PUS10: variants seen among roughly 807,000 people sequenced by gnomAD.
The protein encoded by PUS10 is pseudouridine synthase 10, also known as tRNA pseudouridine synthase Pus10.
Under a neutral mutation model 75.0 loss-of-function variants are expected in PUS10, and 59 were observed. That is an observed-to-expected ratio of 0.79 (90% CI 0.64 to 0.98). PUS10 has a LOEUF of 0.98. PUS10 is among the 50% of genes least tolerant of loss of function. The pLI is 0.00. For missense variants in PUS10, 650 were observed against 614.4 expected (o/e 1.06, Z -0.61); for synonymous variants, 219 against 211.6 (o/e 1.03, Z -0.30).
chr2:60,944,660 T>C (rs1674828856), intron 17 of PUS10, among the ~76,000 whole-genome samples: 1 of 152,232 alleles, frequency 6.6e-6, no homozygotes, highest in South Asian at 2.1e-4. Flanking sequence ...CACCTCACTT[T>C]CTACCCTTGT....
intron 4 of PUS10, among the ~76,000 whole-genome samples, chr2:60,989,934 T>C (rs1416425237): frequency 2.6e-5 from 4 of 152,142 alleles, no homozygotes; most frequent in African/African-American, 9.7e-5. Context: ...CTCAACTGCT[T>C]CTTATTCTGT....
At chr2:61,005,881 T>C (rs554057152) in intron 4 of PUS10, among the ~76,000 whole-genome samples, 49 of 152,360 alleles carry the variant, frequency 3.2e-4, no homozygotes, top group African/African-American at 1.1e-3. Flanking sequence ...CTGGTGATAC[T>C]GTAGGTTTCT....
intron 5 of PUS10, among the ~76,000 whole-genome samples, chr2:60,971,116 G>T (rs1317381966): frequency 6.6e-6 from 1 of 151,460 alleles, no homozygotes; most frequent in Non-Finnish European, 1.5e-5. Context: ...CGAGGTGGAG[G>T]TTGCAGTGAG....
chr2:61,001,190 A>G (rs920719188), intron 4 of PUS10, among the ~76,000 whole-genome samples: 2 of 152,172 alleles, frequency 1.3e-5, no homozygotes, highest in Non-Finnish European at 2.9e-5. Flanking sequence ...CATAACTTTA[A>G]GTACACAAAT....
chr2:61,009,988 T>A (rs181907230), intron 2 of PUS10: 1 of 152,378 alleles, frequency 6.6e-6, no homozygotes, highest in Non-Finnish European at 1.5e-5. Flanking sequence ...AGATATAACA[T>A]AGTGCATATA....
chr2:60,959,115 C>T (rs1022249481), intron 11 of PUS10, among the ~76,000 whole-genome samples: 1 of 152,228 alleles, frequency 6.6e-6, no homozygotes, highest in Non-Finnish European at 1.5e-5. Flanking sequence ...AAAAACATTA[C>T]AGCTGCCATT....
chr2:60,982,688 T>C (rs917749539), intron 4 of PUS10, among the ~76,000 whole-genome samples: 3 of 152,196 alleles, frequency 2.0e-5, no homozygotes, highest in Non-Finnish European at 2.9e-5. Context: ...GATAATTTCT[T>C]TGTTGTTAAA....
At chr2:60,965,287 G>A in intron 7 of PUS10, 136 bp downstream of exon 7, 1 of 985,594 alleles carries the variant, frequency 1.0e-6, no homozygotes, top group Non-Finnish European at 1.6e-6. Flanking sequence ...TTATTTTTTT[G>A]AGGGCACATT....
intron 4 of PUS10, among the ~76,000 whole-genome samples, chr2:60,991,497 T>C (rs551721572): frequency 2.0e-5 from 3 of 152,116 alleles, no homozygotes; most frequent in Non-Finnish European, 4.4e-5. Context: ...CACTCTGTCA[T>C]CCAGGATGGA....
At chr2:60,985,339 T>C (rs1460596066) in intron 4 of PUS10, among the ~76,000 whole-genome samples, 4 of 152,194 alleles carry the variant, frequency 2.6e-5, no homozygotes, top group Non-Finnish European at 5.9e-5. Context: ...ATTTATAGGA[T>C]CCTTGCTGCT....
chr2:60,981,406 C>G (rs1248156993), intron 4 of PUS10, among the ~76,000 whole-genome samples: 1 of 151,894 alleles, frequency 6.6e-6, no homozygotes, highest in Non-Finnish European at 1.5e-5. Flanking sequence ...CCTCAGCCTC[C>G]CAAGTAGCTG....
At chr2:60,963,205 A>G (rs984036544) in intron 8 of PUS10, among the ~76,000 whole-genome samples, 1 of 152,254 alleles carries the variant, frequency 6.6e-6, no homozygotes, top group African/African-American at 2.4e-5. Context: ...ATTCAAATAC[A>G]AAACATGATG....
intron 1 of PUS10, among the ~76,000 whole-genome samples, chr2:61,012,477 G>A (rs1679666956): frequency 6.6e-6 from 1 of 151,684 alleles, no homozygotes; most frequent in African/African-American, 2.4e-5. Context: ...TCCTCAAAGT[G>A]AGTCATAGAA....
chr2:60,958,960 C>T (rs992150511), intron 11 of PUS10, among the ~76,000 whole-genome samples: 1 of 152,136 alleles, frequency 6.6e-6, no homozygotes, highest in African/African-American at 2.4e-5. Context: ...TGCAGTTTTT[C>T]CTGACGTGTA....
chr2:60,966,668 A>G (rs1348703207), intron 6 of PUS10: 1 of 152,260 alleles, frequency 6.6e-6, no homozygotes, highest in Non-Finnish European at 1.5e-5. Flanking sequence ...TTTCCTCTTC[A>G]TGCTATCTGT....
rs527451210 is a variant in PUS10 at position 61,011,800 on chromosome 2, C to T, written c.91G>A (p.Val31Met). The T allele has an allele frequency of 3.1e-6, 5 of 1,605,050 alleles. No homozygotes were observed. The East Asian group carries it at 9.0e-5, about 29-fold the overall frequency. The change falls in exon 2 of 18, where the codon GTG (valine) becomes ATG (methionine). Residue 31 changes from valine to methionine, a missense_variant. By Grantham distance (21) the Val-to-Met change is conservative. Transcript: ENST00000316752. ...CPRCIFRFCG[V>M]DFHAPYKLPY... ...AGTTTGTAAGGTGCATGAAAATCCACACCACAGAATCTGAAGATACATCTT... is the reference window on the plus strand; with the variant it reads ...AGTTTGTAAGGTGCATGAAAATCCATACCACAGAATCTGAAGATACATCTT...
intron 5 of PUS10, among the ~76,000 whole-genome samples, chr2:60,968,032 TG>T (rs1024137302): frequency 6.6e-6 from 1 of 152,138 alleles, no homozygotes; most frequent in Non-Finnish European, 1.5e-5. Flanking sequence ...CCCCTCTTGT[TG>T]AAAATGGGGC....
chr2:60,979,136 CAT>C (rs1250575137), intron 4 of PUS10, among the ~76,000 whole-genome samples: 6 of 151,962 alleles, frequency 3.9e-5, no homozygotes, highest in Non-Finnish European at 7.4e-5. Context: ...TACACATACA[CAT>C]ACACATACAC....
chr2:60,999,519 T>C (rs2104629834), intron 4 of PUS10, among the ~76,000 whole-genome samples: 1 of 152,208 alleles, frequency 6.6e-6, no homozygotes, highest in East Asian at 1.9e-4. Context: ...CTCAGGAAGG[T>C]GAGGCGGGAG....
Sources: allele counts gnomAD v4.1 joint callset (sites outside exome capture counted in the v4.1 genomes callset), GRCh38; gene constraint gnomAD v4.1.1; transcripts MANE v1.5; gene names NCBI Gene and HGNC (gene_info 2026-07-23, HGNC 2026-07-21).